Variants in NAALADL2 observed in about 807,000 individuals in gnomAD.
NAALADL2 encodes inactive N-acetylated-alpha-linked acidic dipeptidase-like protein 2.
In NAALADL2, 76 loss-of-function variants were observed where a neutral mutation model predicts 87.2. The observed-to-expected ratio is 0.87, with a 90% confidence interval of 0.72 to 1.05. NAALADL2 has a LOEUF of 1.05. NAALADL2 is among the 50% of genes least tolerant of loss of function. The pLI, the probability that NAALADL2 is intolerant of heterozygous loss-of-function variation, is 0.00. For synonymous variants in NAALADL2, 354 were observed against 331.0 expected, an observed-to-expected ratio of 1.07 and a Z score of -0.75; for missense variants, 1,089 against 945.8, an observed-to-expected ratio of 1.15 and a Z score of -1.99.
At chr3:175,134,111 T>C (rs1257846322) in intron 2 of NAALADL2, among the ~76,000 whole-genome samples, 3 of 152,220 alleles carry the variant, frequency 2.0e-5, no homozygotes, top group Non-Finnish European at 2.9e-5. Flanking sequence ...ATGTCTTCCA[T>C]GTGTGCATGG....
chr3:175,652,061 T>C (rs1400962147), intron 11 of NAALADL2, among the ~76,000 whole-genome samples: 7 of 152,238 alleles, frequency 4.6e-5, no homozygotes, highest in Middle Eastern at 3.2e-3. Context: ...ATCAAATTTC[T>C]ATGTGGTGCT....
chr3:174,718,328 C>T (rs2108941906), intron 2 of NAALADL2, among the ~76,000 whole-genome samples: 1 of 152,116 alleles, frequency 6.6e-6, no homozygotes, highest in African/African-American at 2.4e-5. Context: ...GACCATTCTG[C>T]AAGTAAAGTA....
intron 1 of NAALADL2, among the ~76,000 whole-genome samples, chr3:174,453,763 C>T (rs1477530364): frequency 4.6e-5 from 7 of 152,162 alleles, no homozygotes; most frequent in Admixed American, 6.5e-5. Context: ...CTAAAGGAAG[C>T]ACTACATGCA....
At chr3:175,597,768 AG>A (rs1722436245) in intron 10 of NAALADL2, among the ~76,000 whole-genome samples, 1 of 152,034 alleles carries the variant, frequency 6.6e-6, no homozygotes, top group African/African-American at 2.4e-5. Flanking sequence ...CTCTCATCAA[AG>A]GATAAAATTG....
intron 1 of NAALADL2, among the ~76,000 whole-genome samples, chr3:175,012,505 A>C (rs1351343038): frequency 6.6e-6 from 1 of 152,074 alleles, no homozygotes; most frequent in Admixed American, 6.6e-5. Context: ...TTACTCCTGA[A>C]TTGTCATTGC....
At chr3:175,620,730 GC>G (rs1383038047) in intron 10 of NAALADL2, among the ~76,000 whole-genome samples, 1 of 152,168 alleles carries the variant, frequency 6.6e-6, no homozygotes, top group African/African-American at 2.4e-5. Flanking sequence ...GGTACATGTT[GC>G]CGCTCTCTTC....
chr3:174,929,063 G>C (rs1023749718), intron 1 of NAALADL2, among the ~76,000 whole-genome samples: 3 of 152,154 alleles, frequency 2.0e-5, no homozygotes, highest in African/African-American at 7.2e-5. Flanking sequence ...CTTAGGAGAT[G>C]ACATTTGAGC....
intron 2 of NAALADL2, among the ~76,000 whole-genome samples, chr3:174,592,994 CTTTCCTAGCTATCACT>C (rs1018910319): frequency 4.6e-5 from 7 of 152,046 alleles, no homozygotes; most frequent in Admixed American, 2.0e-4. Context: ...AGGTTTTCAG[CTTTCCTAGCTATCACT>C]TTTCCTAAAT....
chr3:175,118,266 A>C (rs1464334766), intron 2 of NAALADL2, among the ~76,000 whole-genome samples: 1 of 151,828 alleles, frequency 6.6e-6, no homozygotes, highest in African/African-American at 2.4e-5. Context: ...AATAATAATA[A>C]TACGAATTTC....
At chr3:175,711,562 G>A (rs1740533296) in intron 11 of NAALADL2, among the ~76,000 whole-genome samples, 1 of 151,858 alleles carries the variant, frequency 6.6e-6, no homozygotes. Context: ...CTTATAATTA[G>A]TGAGAAATAA....
At chr3:175,379,560 G>A (rs1767547196) in intron 5 of NAALADL2, among the ~76,000 whole-genome samples, 2 of 150,270 alleles carry the variant, frequency 1.3e-5, no homozygotes, top group Admixed American at 1.3e-4. Context: ...TTAAGATGGA[G>A]TCTCACTCTG....
chr3:175,172,953 G>A (rs1028575203), intron 2 of NAALADL2, among the ~76,000 whole-genome samples: 5 of 151,936 alleles, frequency 3.3e-5, no homozygotes, highest in Admixed American at 1.3e-4. Flanking sequence ...ACAGCTTTTC[G>A]GTACTCTGTC....
At chr3:175,072,633 C>T (rs1285697071) in intron 1 of NAALADL2, among the ~76,000 whole-genome samples, 3 of 131,746 alleles carry the variant, frequency 2.3e-5, no homozygotes, top group African/African-American at 8.8e-5. Flanking sequence ...AGGAGATGTC[C>T]AATTGCTTTT....
chr3:175,122,055 G>C (rs1030047194), intron 2 of NAALADL2, among the ~76,000 whole-genome samples: 2 of 151,894 alleles, frequency 1.3e-5, no homozygotes, highest in Admixed American at 1.3e-4. Context: ...GTTGATTAAA[G>C]TCAGCTCTAT....
intron 2 of NAALADL2, among the ~76,000 whole-genome samples, chr3:174,555,303 T>C (rs1381967526): frequency 6.6e-6 from 1 of 151,898 alleles, no homozygotes; most frequent in Admixed American, 6.6e-5. Flanking sequence ...CACGGGGAAA[T>C]TATTATTATT....
intron 11 of NAALADL2, chr3:175,676,638 TA>T (rs199592247): frequency 0.077 from 11,053 of 143,282 alleles, 486 homozygotes; most frequent in South Asian, 0.18. Context: ...TGCTCTTGAT[TA>T]AAAAAAAAAA....
chr3:175,656,081 G>A (rs374122552), intron 11 of NAALADL2, among the ~76,000 whole-genome samples: 3 of 152,098 alleles, frequency 2.0e-5, no homozygotes, highest in African/African-American at 7.2e-5. Flanking sequence ...TACTATAGCC[G>A]AGTTGCAACT....
At chr3:174,539,398 A>G (rs1175111486) in intron 1 of NAALADL2, among the ~76,000 whole-genome samples, 1 of 152,172 alleles carries the variant, frequency 6.6e-6, no homozygotes, top group Non-Finnish European at 1.5e-5. Flanking sequence ...TGGTACTATA[A>G]TTCACAAATC....
intron 5 of NAALADL2, among the ~76,000 whole-genome samples, chr3:175,408,845 T>C (rs1251504925): frequency 6.6e-6 from 1 of 152,006 alleles, no homozygotes; most frequent in Non-Finnish European, 1.5e-5. Flanking sequence ...CATGCTGGAA[T>C]AGGTAGTCAA....
Sources: allele counts gnomAD v4.1 joint callset (sites outside exome capture counted in the v4.1 genomes callset), GRCh38; gene constraint gnomAD v4.1.1; transcripts MANE v1.5; gene names NCBI Gene and HGNC (gene_info 2026-07-23, HGNC 2026-07-21).